CDH13: variants seen among roughly 807,000 people sequenced by gnomAD.
CDH13 encodes the protein cadherin-13.
A neutral mutation model predicts 63.8 loss-of-function variants in CDH13; 24 were observed. That is an observed-to-expected ratio of 0.38 (90% CI 0.27 to 0.53). The LOEUF is 0.53. CDH13 is among the 20% of genes least tolerant of loss of function. The pLI, the probability that CDH13 is intolerant of heterozygous loss-of-function variation, is 0.85. For synonymous variants in CDH13, 503 were observed against 355.3 expected, an observed-to-expected ratio of 1.42 and a Z score of -4.67; for missense variants, 1,049 against 903.1, an observed-to-expected ratio of 1.16 and a Z score of -2.07.
At chr16:83,276,468 T>C (rs1597645447) in intron 5 of CDH13, among the ~76,000 whole-genome samples, 1 of 152,180 alleles carries the variant, frequency 6.6e-6, no homozygotes, top group African/African-American at 2.4e-5. Flanking sequence ...TTCACCCTGC[T>C]AATTAAAATA....
At chr16:82,890,762 C>G (rs1221030261) in intron 2 of CDH13, among the ~76,000 whole-genome samples, 2 of 151,886 alleles carry the variant, frequency 1.3e-5, no homozygotes, top group African/African-American at 4.8e-5. Flanking sequence ...AGCAATTATC[C>G]TGCCTCAGCC....
chr16:82,697,786 TG>T lies in CDH13; in HGVS notation c.45+70650del, dbSNP rs58702733. On this transcript the variant is annotated intron_variant, in intron 1 of 13. Transcript: ENST00000567109. ...GTGTGTGTGTGTGTGTGTGTGTGTG[TG>T]TAAGTTTTTTCATGAATTCAAAACA... Among the ~76,000 whole-genome samples, 418 of 120,374 alleles carry T rather than the reference TG, an allele frequency of 3.5e-3. 2 individuals carry two copies. Among genetic ancestry groups the T allele is most frequent in the African/African-American group, 0.014 (392 of 27,546 alleles). The allele number at this position is 120,374 out of a possible 152,430, so 79.0% of individuals were successfully genotyped here.
At chr16:83,411,411 C>G (rs987440525) in intron 6 of CDH13, among the ~76,000 whole-genome samples, 45 of 152,170 alleles carry the variant, frequency 3.0e-4, no homozygotes, top group African/African-American at 9.7e-4. Flanking sequence ...TTGTTGGCTT[C>G]TTCATTGCTA....
chr16:83,344,961 C>T lies in CDH13; in HGVS notation c.736C>T (p.Arg246Trp), dbSNP rs377210458. The T allele has an allele frequency of 4.6e-5, 75 of 1,613,852 alleles. No individual in the cohort carries two copies. Among genetic ancestry groups the T allele is most frequent in the Non-Finnish European group, 5.7e-5 (67 of 1,179,854 alleles). Residue 246 changes from arginine (R) to tryptophan (W), a missense_variant, in exon 6 of 14, where the codon CGG (arginine) becomes TGG (tryptophan). By Grantham distance (101) the Arg-to-Trp change is moderately radical. Transcript: ENST00000567109. ...TCAGAATGACAACCGACCGATCTTT[C>T]GGGAAGGCCCCTACATCGGCCACGT... ...IDQNDNRPIF[R>W]EGPYIGHVME...
intron 3 of CDH13, among the ~76,000 whole-genome samples, chr16:83,102,098 C>T (rs2034507975): frequency 6.6e-6 from 1 of 152,104 alleles, no homozygotes; most frequent in Non-Finnish European, 1.5e-5. Context: ...ACGCTCCTGG[C>T]TTTGAAGATG....
In CDH13 at chr16:83,102,621, G is replaced by A. The variant is rs540753140; in HGVS notation, c.367-22764G>A. Reference sequence around the variant, plus strand: ...AGAGGAGGGACATCACCCAGTTCACGTTTCAACAGGACCGCTCTGGCCACC... The same window carrying A: ...AGAGGAGGGACATCACCCAGTTCACATTTCAACAGGACCGCTCTGGCCACC... On this transcript the variant is annotated intron_variant, in intron 3 of 13. Coordinates refer to ENST00000567109, the MANE Select transcript of CDH13 (RefSeq NM_001257.5). Among the ~76,000 whole-genome samples the A allele has an allele frequency of 4.3e-4, 65 of 152,272 alleles. No individual in the cohort carries two copies. In the East Asian group the frequency reaches 5.4e-3, roughly 13 times the overall value.
At chr16:83,344,256 AT>A (rs1357662058) in intron 5 of CDH13, among the ~76,000 whole-genome samples, 1 of 152,192 alleles carries the variant, frequency 6.6e-6, no homozygotes, top group African/African-American at 2.4e-5. Context: ...TGCCTTCTTC[AT>A]TGAGATCTGA....
chr16:82,700,970 C>CCCCCCCCCCCCA (rs2030947767), intron 1 of CDH13, among the ~76,000 whole-genome samples: 1 of 44,038 alleles, frequency 2.3e-5, no homozygotes, highest in African/African-American at 6.7e-5. Context: ...CCCCCCCCCC[C>CCCCCCCCCCCCA]CCCCGCCCCG....
intron 1 of CDH13, among the ~76,000 whole-genome samples, chr16:82,850,022 C>T (rs988671057): frequency 1.1e-4 from 17 of 152,200 alleles, no homozygotes; most frequent in African/African-American, 2.9e-4. Context: ...GTTGTTTTCA[C>T]ACCTGCTAAT....
chr16:82,921,008 T>C (rs541839390), intron 2 of CDH13, among the ~76,000 whole-genome samples: 1 of 152,354 alleles, frequency 6.6e-6, no homozygotes, highest in African/African-American at 2.4e-5. Flanking sequence ...TTTTGTCCTC[T>C]AGTCTATTAA....
intron 6 of CDH13, among the ~76,000 whole-genome samples, chr16:83,466,028 C>T (rs963889238): frequency 1.3e-5 from 2 of 152,174 alleles, no homozygotes; most frequent in Non-Finnish European, 2.9e-5. Context: ...TCAACCTACA[C>T]ACATGTGCTG....
intron 7 of CDH13, 86 bp downstream of exon 7, chr16:83,486,741 T>G (rs2073899803): frequency 5.7e-6 from 7 of 1,222,750 alleles, no homozygotes; most frequent in African/African-American, 3.0e-5. Flanking sequence ...CAGTCAGTGG[T>G]TTTTTTTAAT....
At chr16:82,672,648 T>C (rs1410229043) in intron 1 of CDH13, among the ~76,000 whole-genome samples, 2 of 152,028 alleles carry the variant, frequency 1.3e-5, no homozygotes, top group Non-Finnish European at 2.9e-5. Flanking sequence ...TCCTCCTCCA[T>C]CTGCCTTGTA....
At chr16:83,501,812 ACTTTAT>A (rs1345717706) in intron 7 of CDH13, among the ~76,000 whole-genome samples, 1 of 152,232 alleles carries the variant, frequency 6.6e-6, no homozygotes, top group Non-Finnish European at 1.5e-5. Context: ...CTCAAGGACA[ACTTTAT>A]CTTTTATCAG....
intron 1 of CDH13, among the ~76,000 whole-genome samples, chr16:82,803,645 C>T (rs989380199): frequency 6.6e-6 from 1 of 152,078 alleles, no homozygotes; most frequent in African/African-American, 2.4e-5. Flanking sequence ...TTCAGTCATA[C>T]AAAAGAAGAA....
chr16:83,723,089 G>C (rs909597508), intron 10 of CDH13, among the ~76,000 whole-genome samples: 3 of 152,220 alleles, frequency 2.0e-5, no homozygotes, highest in African/African-American at 7.2e-5. Flanking sequence ...ATGCAGACAT[G>C]TCAGTCTGAA....
rs16961631 is a variant in CDH13, at chr16:83,747,999, T to C, written c.1539-109T>C. On this transcript the variant is annotated intron_variant, in intron 10 of 13. Transcript: ENST00000567109. Reference sequence around the variant, plus strand: ...AACAGAAATGATGGTTTTGGATTTTTGTTACCTAGGATCCAGCACCTAGCC... The same window carrying C: ...AACAGAAATGATGGTTTTGGATTTTCGTTACCTAGGATCCAGCACCTAGCC... The C allele has an allele frequency of 0.37, 423,461 of 1,152,732 alleles. 79,216 individuals carry two copies. Among genetic ancestry groups the C allele is most frequent in the East Asian group, 0.44 (18,574 of 42,470 alleles). The allele number at this position is 1,152,732 out of a possible 1,614,324, so 71.4% of individuals were successfully genotyped here.
chr16:82,984,246 C>T (rs1910656259), intron 2 of CDH13, among the ~76,000 whole-genome samples: 1 of 152,238 alleles, frequency 6.6e-6, no homozygotes, highest in Non-Finnish European at 1.5e-5. Context: ...TTGAAAACCA[C>T]ACTGCTTTGT....
chr16:83,344,668 A>C (rs925586343), intron 5 of CDH13, among the ~76,000 whole-genome samples, 194 bp from the exon 6 acceptor site: 1 of 152,194 alleles, frequency 6.6e-6, no homozygotes, highest in Non-Finnish European at 1.5e-5. Flanking sequence ...TCTAAAGTGA[A>C]CTGATCTTTG....
Sources: gnomAD v4.1 joint callset for allele counts (sites outside exome capture counted in the v4.1 genomes callset) on GRCh38, gnomAD v4.1.1 for gene constraint, MANE v1.5 for transcripts, NCBI Gene and HGNC (gene_info 2026-07-23, HGNC 2026-07-21) for gene names.